The following MGAT4C variants were observed in gnomAD, a reference collection of about 807,000 sequenced individuals.
The protein encoded by MGAT4C is alpha-1,3-mannosyl-glycoprotein 4-beta-N-acetylglucosaminyltransferase C.
MGAT4C carries 19 observed loss-of-function variants against 40.1 expected under a neutral mutation model. The ratio of observed to expected loss-of-function variants is 0.47; its 90% CI spans 0.33 to 0.70. The LOEUF is 0.70. Ranked by LOEUF, MGAT4C falls within the 30% of genes least tolerant of loss-of-function variation. The pLI is 0.02. For missense variants in MGAT4C, 491 were observed against 563.2 expected, an observed-to-expected ratio of 0.87 and a Z score of 1.30; for synonymous variants, 181 against 187.1, an observed-to-expected ratio of 0.97 and a Z score of 0.27.
chr12:86,102,230 C>CT (rs1007293215), intron 1 of MGAT4C, among the ~76,000 whole-genome samples: 17 of 151,722 alleles, frequency 1.1e-4, no homozygotes, highest in East Asian at 1.9e-4. Context: ...GGAATGAACA[C>CT]TTTTTTTTGT....
chr12:86,638,040 T>C lies in MGAT4C; in HGVS notation c.-229+89169A>G, dbSNP rs368905578. ...CGCAGACTTCCTCCTTGTTAAATTG[T>C]TTTGTGCCCTCTTTGTCTTTAAAAA... is the stretch of plus-strand genomic sequence containing the variant. On this transcript the variant is annotated intron_variant, in intron 2 of 7. Transcript: ENST00000548651. Among the ~76,000 whole-genome samples, 21 of 152,048 alleles carry C rather than the reference T, an allele frequency of 1.4e-4. No individual in the cohort carries two copies. The East Asian group carries it at 3.1e-3, about 23-fold the overall frequency.
At chr12:86,502,491 T>C (rs1043301807) in intron 2 of MGAT4C, among the ~76,000 whole-genome samples, 3 of 151,822 alleles carry the variant, frequency 2.0e-5, no homozygotes, top group Non-Finnish European at 4.4e-5. Flanking sequence ...AACTGCAAAG[T>C]TAACTGTGGA....
At chr12:86,538,450 G>T (rs1462246204) in intron 2 of MGAT4C, among the ~76,000 whole-genome samples, 1 of 152,150 alleles carries the variant, frequency 6.6e-6, no homozygotes, top group Admixed American at 6.5e-5. Context: ...GGATCTTTCA[G>T]TAATGCCTGA....
chr12:86,145,741 A>G (rs998564642), intron 1 of MGAT4C, among the ~76,000 whole-genome samples: 1 of 152,176 alleles, frequency 6.6e-6, no homozygotes, highest in Non-Finnish European at 1.5e-5. Flanking sequence ...TTCTGAAAAT[A>G]CTGATGTAAA....
chr12:86,083,402 C>A (rs1871204840), intron 1 of MGAT4C, among the ~76,000 whole-genome samples: 1 of 152,182 alleles, frequency 6.6e-6, no homozygotes, highest in African/African-American at 2.4e-5. Context: ...TGATGGCTTA[C>A]TATTCCTTCA....
chr12:86,407,328 T>C (rs1956494829), intron 3 of MGAT4C, among the ~76,000 whole-genome samples: 1 of 152,118 alleles, frequency 6.6e-6, no homozygotes, highest in African/African-American at 2.4e-5. Flanking sequence ...CTCAGTATTA[T>C]AATTTCTGAC....
intron 2 of MGAT4C, among the ~76,000 whole-genome samples, chr12:86,699,504 A>C (rs1950317627): frequency 6.6e-6 from 1 of 152,078 alleles, no homozygotes; most frequent in African/African-American, 2.4e-5. Context: ...GAACAGAGTT[A>C]AGTTTAGATT....
intron 2 of MGAT4C, among the ~76,000 whole-genome samples, chr12:86,477,122 A>T (rs890789739): frequency 6.6e-6 from 1 of 151,932 alleles, no homozygotes; most frequent in Non-Finnish European, 1.5e-5. Flanking sequence ...TATAAGTGAA[A>T]ATATACTTAA....
intron 3 of MGAT4C, among the ~76,000 whole-genome samples, chr12:86,434,224 T>C (rs992579640): frequency 6.6e-6 from 1 of 151,986 alleles, no homozygotes; most frequent in African/African-American, 2.4e-5. Context: ...TGTAGCTCTT[T>C]GGTTGTAAAG....
At chr12:86,393,019 A>G (rs977557432) in intron 3 of MGAT4C, among the ~76,000 whole-genome samples, 1 of 152,208 alleles carries the variant, frequency 6.6e-6, no homozygotes, top group Non-Finnish European at 1.5e-5. Context: ...GTGTACATAC[A>G]TACAAACATG....
At chr12:86,287,920 G>C (rs901440083) in intron 4 of MGAT4C, among the ~76,000 whole-genome samples, 3 of 152,132 alleles carry the variant, frequency 2.0e-5, no homozygotes, top group Admixed American at 1.3e-4. Context: ...TTGAGGAATT[G>C]CCACACTGTC....
chr12:86,146,915 T>C (rs1883594819), intron 1 of MGAT4C, among the ~76,000 whole-genome samples: 1 of 152,122 alleles, frequency 6.6e-6, no homozygotes, highest in South Asian at 2.1e-4. Flanking sequence ...GGCAATGTCC[T>C]ACATATATTA....
intron 2 of MGAT4C, among the ~76,000 whole-genome samples, chr12:86,648,225 AT>A (rs1963599751): frequency 6.6e-6 from 1 of 151,896 alleles, no homozygotes; most frequent in South Asian, 2.1e-4. Context: ...GAGAAAAAAT[AT>A]TGTTTTGAAT....
At chr12:86,246,351 T>TA (rs1566215571) in intron 1 of MGAT4C, among the ~76,000 whole-genome samples, 3 of 151,944 alleles carry the variant, frequency 2.0e-5, no homozygotes, top group Non-Finnish European at 4.4e-5. Flanking sequence ...CATTGCTTCT[T>TA]AGAGTATCCT....
chr12:86,442,257 T>A (rs986936340), intron 2 of MGAT4C, among the ~76,000 whole-genome samples: 4 of 152,204 alleles, frequency 2.6e-5, no homozygotes, highest in Admixed American at 6.5e-5. Context: ...CTTTGTCAGA[T>A]GGGTAGATTG....
intron 2 of MGAT4C, among the ~76,000 whole-genome samples, chr12:86,494,911 C>T (rs1958210983): frequency 6.6e-6 from 1 of 151,858 alleles, no homozygotes; most frequent in Non-Finnish European, 1.5e-5. Context: ...TTTGAATAAC[C>T]ATCAGATGAT....
At chr12:86,688,422 T>C (rs558824126) in intron 2 of MGAT4C, among the ~76,000 whole-genome samples, 3 of 152,242 alleles carry the variant, frequency 2.0e-5, no homozygotes, top group African/African-American at 4.8e-5. Context: ...CATTAGTTGA[T>C]GTAGCTTCTT....
rs117287550 is a variant in MGAT4C, at chr12:86,451,820, C to A, written c.-228-16555G>T. Among the ~76,000 whole-genome samples the A allele has an allele frequency of 7.6e-4, 116 of 152,142 alleles. No individual in the cohort carries two copies. In the East Asian group the frequency reaches 0.02, roughly 26 times the overall value. On this transcript the variant is annotated intron_variant, in intron 2 of 7. Transcript: ENST00000548651. ...TTACTGAATTATTTATTATGGTTAT[C>A]AAAAATTTCAGTGCTAGGGTTTTCA...
At chr12:86,709,155 C>T (rs187308401) in intron 2 of MGAT4C, among the ~76,000 whole-genome samples, 3 of 152,174 alleles carry the variant, frequency 2.0e-5, no homozygotes, top group Non-Finnish European at 2.9e-5. Flanking sequence ...CATTCTGTTC[C>T]TGTGATAGTG....
Sources: gnomAD v4.1 joint callset for allele counts (sites outside exome capture counted in the v4.1 genomes callset) on GRCh38, gnomAD v4.1.1 for gene constraint, MANE v1.5 for transcripts, NCBI Gene and HGNC (gene_info 2026-07-23, HGNC 2026-07-21) for gene names.